ROBO1: variants seen among roughly 807,000 people sequenced by gnomAD.
ROBO1 encodes roundabout guidance receptor 1, also known as roundabout homolog 1.
In ROBO1, 149 loss-of-function variants were observed where a neutral mutation model predicts 195.9. The ratio of observed to expected loss-of-function variants is 0.76; its 90% CI spans 0.67 to 0.87. ROBO1 has a LOEUF of 0.87. Ranked by LOEUF, ROBO1 falls within the 40% of genes least tolerant of loss-of-function variation. The pLI, the probability that ROBO1 is intolerant of heterozygous loss-of-function variation, is 0.00. For synonymous variants in ROBO1, 816 were observed against 733.2 expected, an observed-to-expected ratio of 1.11 and a Z score of -1.82; for missense variants, 1,933 against 2,068.3, an observed-to-expected ratio of 0.93 and a Z score of 1.27.
chr3:79,205,151 T>C (rs901602497), intron 2 of ROBO1, among the ~76,000 whole-genome samples: 2 of 151,746 alleles, frequency 1.3e-5, no homozygotes, highest in Non-Finnish European at 2.9e-5. Context: ...CACCACCATA[T>C]CCGGTTAATT....
chr3:79,705,898 T>C (rs1019873809), intron 1 of ROBO1, among the ~76,000 whole-genome samples: 2 of 152,234 alleles, frequency 1.3e-5, no homozygotes, highest in African/African-American at 4.8e-5. Context: ...TTTTGTTAAA[T>C]TTATATTTAT....
At chr3:79,502,565 A>G in intron 2 of ROBO1, among the ~76,000 whole-genome samples, 1 of 151,872 alleles carries the variant, frequency 6.6e-6, no homozygotes, top group Non-Finnish European at 1.5e-5. Flanking sequence ...CCTGCTCCAC[A>G]GCTCCCAGTC....
intron 2 of ROBO1, among the ~76,000 whole-genome samples, chr3:79,542,849 G>A (rs1028657339): frequency 1.3e-5 from 2 of 151,836 alleles, no homozygotes; most frequent in African/African-American, 4.8e-5. Context: ...GCTCTTTAAG[G>A]TAGTAATATC....
intron 4 of ROBO1, among the ~76,000 whole-genome samples, chr3:78,937,219 G>C (rs1381353191): frequency 1.3e-5 from 2 of 151,850 alleles, no homozygotes; most frequent in African/African-American, 4.8e-5. Flanking sequence ...ATATGATTGA[G>C]TTGGAATAAT....
At chr3:79,450,521 A>T (rs2039407830) in intron 2 of ROBO1, among the ~76,000 whole-genome samples, 1 of 152,128 alleles carries the variant, frequency 6.6e-6, no homozygotes, top group African/African-American at 2.4e-5. Context: ...GAAAAATGAG[A>T]TAGATTTCTA....
chr3:78,669,446 G>T (rs1292917611), intron 11 of ROBO1, among the ~76,000 whole-genome samples: 1 of 152,118 alleles, frequency 6.6e-6, no homozygotes, highest in Non-Finnish European at 1.5e-5. Context: ...TTGCTGTCAG[G>T]ACTATTCTTT....
In ROBO1 at chr3:79,656,438, C is replaced by A. The variant is rs535941420; in HGVS notation, c.-50-66477G>T. ...TTCTCATCTCTTATCTGAATTCAAA[C>A]AAAGAAAAACAGGAAATGCAAATTC... On this transcript the variant is annotated intron_variant, in intron 1 of 30. Coordinates refer to ENST00000464233, the MANE Select transcript of ROBO1 (RefSeq NM_002941.4). Among the ~76,000 whole-genome samples, 31 of 151,786 alleles carry A rather than the reference C, an allele frequency of 2.0e-4. No individual in the cohort carries two copies. In the South Asian group the frequency reaches 5.2e-3, roughly 25 times the overall value.
At chr3:78,918,433 C>G (rs2038755649) in intron 4 of ROBO1, among the ~76,000 whole-genome samples, 1 of 152,034 alleles carries the variant, frequency 6.6e-6, no homozygotes, top group Non-Finnish European at 1.5e-5. Context: ...AGGAAAGATT[C>G]TAACATGGTA....
At chr3:79,018,974 G>A (rs1576576020) in intron 3 of ROBO1, 1 of 989,440 alleles carries the variant, frequency 1.0e-6, no homozygotes, top group Non-Finnish European at 1.2e-6. Context: ...AGCAGCCAAA[G>A]TAGAAGCAGC....
intron 2 of ROBO1, among the ~76,000 whole-genome samples, chr3:79,136,679 C>A (rs2080415460): frequency 6.6e-6 from 1 of 152,088 alleles, no homozygotes; most frequent in South Asian, 2.1e-4. Context: ...TTTAAATTTG[C>A]ATCAAAATTC....
intron 3 of ROBO1, among the ~76,000 whole-genome samples, chr3:78,949,142 C>T (rs1364447018): frequency 2.2e-5 from 3 of 134,366 alleles, no homozygotes; most frequent in Non-Finnish European, 4.6e-5. Context: ...ACTTTCTTCA[C>T]AGAATTGGAA....
rs115987839 is a variant in ROBO1 at position 78,602,239 on chromosome 3, T to G, written c.4745-1930A>C. ...CTTGATGATAGGTGAGCTCTTGCTC[T>G]GAGTTCACACAAGATCTGGTGGTTT... On this transcript the variant is annotated intron_variant, in intron 29 of 30. Coordinates refer to ENST00000464233, the MANE Select transcript of ROBO1 (RefSeq NM_002941.4). 6.4e-3 allele frequency among the ~76,000 whole-genome samples: 971 copies of G among 152,214 alleles called. 12 individuals are homozygous for G. The highest frequency in any genetic ancestry group is 0.02 in the African/African-American group (848 of 41,546).
intron 2 of ROBO1, among the ~76,000 whole-genome samples, chr3:79,156,352 A>C (rs1471224295): frequency 6.6e-6 from 1 of 151,686 alleles, no homozygotes; most frequent in East Asian, 1.9e-4. Flanking sequence ...AGTTTTTGGT[A>C]AGTATTTATT....
chr3:79,486,894 G>A (rs1939187360), intron 2 of ROBO1, among the ~76,000 whole-genome samples: 1 of 152,110 alleles, frequency 6.6e-6, no homozygotes, highest in South Asian at 2.1e-4. Context: ...GAAGGACAAA[G>A]GTTGATCAGC....
chr3:79,053,825 A>C (rs1017079758), intron 3 of ROBO1, among the ~76,000 whole-genome samples: 4 of 152,090 alleles, frequency 2.6e-5, no homozygotes, highest in Admixed American at 6.6e-5. Flanking sequence ...AAAACAAAGA[A>C]ACAAGTGGAT....
Position 78,983,326 on chromosome 3 carries a change from A to G in ROBO1, c.173-44399T>C, listed in dbSNP as rs190675607. ...CTTTTCACCTTCTCCCCCTATACAC[A>G]CATCTACAGGCTAATTTCCTAAAGG... is the stretch of plus-strand genomic sequence containing the variant. On this transcript the variant is annotated intron_variant, in intron 3 of 30. Transcript: ENST00000464233. Among the ~76,000 whole-genome samples, 453 of 152,300 alleles carry G rather than the reference A, an allele frequency of 3.0e-3. 1 individual carries two copies. The highest frequency in any genetic ancestry group is 3.8e-3 in the Non-Finnish European group (260 of 68,022).
intron 1 of ROBO1, among the ~76,000 whole-genome samples, chr3:79,595,724 CTT>C (rs371458059): frequency 9.4e-5 from 13 of 138,364 alleles, no homozygotes; most frequent in Non-Finnish European, 9.5e-5. Flanking sequence ...TTTCTTTTTA[CTT>C]TTTTTTTTTT....
chr3:79,383,538 A>T (rs1311423461), intron 2 of ROBO1, among the ~76,000 whole-genome samples: 1 of 152,060 alleles, frequency 6.6e-6, no homozygotes, highest in Non-Finnish European at 1.5e-5. Flanking sequence ...CACAACAGTC[A>T]GTCTCATCTC....
intron 2 of ROBO1, among the ~76,000 whole-genome samples, chr3:79,188,214 A>G (rs945666432): frequency 1.3e-5 from 2 of 151,868 alleles, no homozygotes; most frequent in African/African-American, 2.4e-5. Flanking sequence ...TTTTATAACT[A>G]TATTTGTAAT....
Sources: gnomAD v4.1 joint callset for allele counts (sites outside exome capture counted in the v4.1 genomes callset) on GRCh38, gnomAD v4.1.1 for gene constraint, MANE v1.5 for transcripts, NCBI Gene and HGNC (gene_info 2026-07-23, HGNC 2026-07-21) for gene names.